The following ATP11A variants were observed in gnomAD, a reference collection of about 807,000 sequenced individuals.
ATP11A encodes phospholipid-transporting ATPase IH.
A neutral mutation model predicts 154.4 loss-of-function variants in ATP11A; 81 were observed. That is an observed-to-expected ratio of 0.52 (90% confidence interval 0.44 to 0.63). The LOEUF is 0.63. Among genes scored for constraint, ATP11A ranks in the 30% least tolerant of loss-of-function variants. ATP11A has a pLI of 0.00. For synonymous variants in ATP11A, 623 were observed against 585.9 expected (o/e 1.06, Z -0.91); for missense variants, 1,316 against 1,474.3 (o/e 0.89, Z 1.76).
At chr13:112,741,294 A>AACTCTCT (rs1352038788) in intron 1 of ATP11A, among the ~76,000 whole-genome samples, 1 of 138,638 alleles carries the variant, frequency 7.2e-6, no homozygotes, top group Non-Finnish European at 1.5e-5. Flanking sequence ...GTGGGGCAGG[A>AACTCTCT]GCTGTAGTCG....
chr13:112,726,215 A>G (rs1430352157), intron 1 of ATP11A, among the ~76,000 whole-genome samples: 1 of 149,112 alleles, frequency 6.7e-6, no homozygotes, highest in Non-Finnish European at 1.5e-5. Flanking sequence ...GGGGCACTGC[A>G]TGCGTGCAGG....
chr13:112,826,421 C>T (rs542412218), intron 11 of ATP11A, among the ~76,000 whole-genome samples: 4 of 152,278 alleles, frequency 2.6e-5, no homozygotes, highest in South Asian at 2.1e-4. Context: ...CTCCTGTCAT[C>T]GGCACATGCT....
Position 112,834,933 on chromosome 13 carries a change from C to G in ATP11A, c.1631+273C>G, listed in dbSNP as rs2140263247. Among the ~76,000 whole-genome samples, 2 of 152,332 alleles carry G rather than the reference C, an allele frequency of 1.3e-5. 1 individual carries two copies. The highest frequency in any genetic ancestry group is 3.9e-4 in the East Asian group (2 of 5,184). On this transcript the variant is annotated intron_variant, in intron 15 of 29. Transcript: ENST00000375645. The stretch of plus-strand genomic sequence containing the variant: ...AGTTCAGTGAACAAAAGTTCACTGT[C>G]AAATATGTTTTGGGTTAAGCCACCT...
Position 112,832,280 on chromosome 13 carries a change from G to A in ATP11A, c.1396-580G>A, listed in dbSNP as rs1414189552. ...CAGCCTCGGGGATCAGGTCCCAGCC[G>A]GCTGTGGCCCTGAGCACATCACTTC... On this transcript the variant is annotated intron_variant, in intron 13 of 29. Transcript: ENST00000375645. Among the ~76,000 whole-genome samples, 5 of 152,184 alleles carry A rather than the reference G, an allele frequency of 3.3e-5. No homozygotes were observed. The East Asian group carries it at 5.8e-4, about 18-fold the overall frequency.
At chr13:112,731,837 G>T (rs1890509935) in intron 1 of ATP11A, among the ~76,000 whole-genome samples, 1 of 151,622 alleles carries the variant, frequency 6.6e-6, no homozygotes, top group Admixed American at 6.6e-5. Flanking sequence ...AGGTGCAGAA[G>T]TGCACGTGAG....
At chr13:112,865,315 G>T (rs1406077790) in intron 25 of ATP11A, among the ~76,000 whole-genome samples, 2 of 150,808 alleles carry the variant, frequency 1.3e-5, no homozygotes, top group Non-Finnish European at 3.0e-5. Flanking sequence ...GTAATTCAGT[G>T]CAGCCCGTGC....
chr13:112,826,965 G>A (rs2078950244), intron 12 of ATP11A, 74 bp downstream of exon 12: 12 of 1,505,146 alleles, frequency 8.0e-6, no homozygotes, highest in Non-Finnish European at 1.0e-5. Context: ...CTCAGGTCCT[G>A]TGCCTGTCAT....
Position 112,690,381 on chromosome 13 carries a change from G to C in ATP11A, c.-36G>C. 7.9e-7 allele frequency: 1 copy of C among 1,268,082 alleles called. No individual in the cohort carries two copies. Among genetic ancestry groups the C allele is most frequent in the East Asian group, 3.0e-5 (1 of 33,198 alleles). 78.6% of individuals were successfully genotyped at this position (1,268,082 alleles called of 1,614,324 possible). On this transcript the variant is annotated 5_prime_UTR_variant, in exon 1 of 30. Transcript: ENST00000375645. The surrounding 1 kb of genome is among the most constrained non-coding windows in gnomAD (Gnocchi z 5.6). ...TGGGCGCGCCGAGCCGGGCGCGGGG[G>C]CGCTGAACGGCGGAGCGGGAGCGGC...
intron 7 of ATP11A, 147 bp downstream of exon 7, chr13:112,819,554 C>T (rs746181308): frequency 1.1e-4 from 72 of 681,744 alleles, no homozygotes; most frequent in Non-Finnish European, 1.4e-4. Flanking sequence ...GTCAAAAATA[C>T]ATTACTTATT....
intron 6 of ATP11A, among the ~76,000 whole-genome samples, chr13:112,818,975 G>C (rs1162994172): frequency 6.6e-6 from 1 of 152,230 alleles, no homozygotes; most frequent in Non-Finnish European, 1.5e-5. Flanking sequence ...TCTGTAAAAG[G>C]AAAGGGATAT....
intron 5 of ATP11A, among the ~76,000 whole-genome samples, chr13:112,814,628 C>G (rs149492404): frequency 6.6e-6 from 1 of 152,134 alleles, no homozygotes; most frequent in Non-Finnish European, 1.5e-5. Flanking sequence ...CCCTTTTCCA[C>G]GGAGTGGCGC....
At chr13:112,705,848 A>C (rs1436224357) in intron 1 of ATP11A, among the ~76,000 whole-genome samples, 1 of 152,240 alleles carries the variant, frequency 6.6e-6, no homozygotes, top group Non-Finnish European at 1.5e-5. Context: ...TATTGAACGA[A>C]TATACAATAC....
At chr13:112,879,458 A>C (rs1443848516) in intron 29 of ATP11A, among the ~76,000 whole-genome samples, 1 of 152,228 alleles carries the variant, frequency 6.6e-6, no homozygotes, top group East Asian at 1.9e-4. Context: ...GACTCATAAG[A>C]GGTCCTTAAG....
intron 1 of ATP11A, among the ~76,000 whole-genome samples, chr13:112,768,752 C>T (rs943076424): frequency 1.3e-5 from 2 of 152,266 alleles, no homozygotes; most frequent in South Asian, 2.1e-4. Flanking sequence ...CGCAGCGACC[C>T]CTCGGTGTTC....
At chr13:112,763,455 GA>G (rs999119445) in intron 1 of ATP11A, among the ~76,000 whole-genome samples, 1 of 152,212 alleles carries the variant, frequency 6.6e-6, no homozygotes, top group African/African-American at 2.4e-5. Flanking sequence ...GGCCCTGAGA[GA>G]AATTATCTTA....
At position 112,883,372 on chromosome 13, in the gene ATP11A, C is replaced by T. The variant is rs564646448; in HGVS notation, c.*1506C>T. 2.1e-4 allele frequency: 82 copies of T among 395,390 alleles called. No homozygotes were observed. The highest frequency in any genetic ancestry group is 1.4e-3 in the South Asian group (10 of 6,996). The allele number at this position is 395,390 out of a possible 1,614,324, so 24.5% of individuals were successfully genotyped here. A position where few individuals can be genotyped will look rare whatever the true frequency, so the allele number is the denominator to read the frequency against. ...TTCAGTGTGAGATTCAGACTTCAGA[C>T]GCTGAAACTGCTGCCTTTCAGGAAA... On this transcript the variant is annotated 3_prime_UTR_variant, in exon 30 of 30. Coordinates refer to ENST00000375645, the MANE Select transcript of ATP11A (RefSeq NM_015205.3).
intron 1 of ATP11A, among the ~76,000 whole-genome samples, chr13:112,755,544 G>A (rs970196896): frequency 5.3e-5 from 8 of 152,228 alleles, no homozygotes; most frequent in African/African-American, 1.9e-4. Flanking sequence ...TGCAGCCAAG[G>A]TTAGCCAGAA....
chr13:112,874,703 C>T (rs1471355022), intron 27 of ATP11A, among the ~76,000 whole-genome samples: 1 of 152,186 alleles, frequency 6.6e-6, no homozygotes, highest in Non-Finnish European at 1.5e-5. Flanking sequence ...CTGGTGGCCC[C>T]AAGTTGCATT....
At chr13:112,834,231 G>T (rs1296329540) in intron 14 of ATP11A, among the ~76,000 whole-genome samples, 1 of 152,212 alleles carries the variant, frequency 6.6e-6, no homozygotes, top group Non-Finnish European at 1.5e-5. Context: ...CGTGTTCTCC[G>T]CTCAACAACA....
Sources: gnomAD v4.1 joint callset for allele counts (sites outside exome capture counted in the v4.1 genomes callset) on GRCh38, gnomAD v4.1.1 for gene constraint, Gnocchi (gnomAD v3.1) non-coding constraint, MANE v1.5 for transcripts, NCBI Gene and HGNC (gene_info 2026-07-23, HGNC 2026-07-21) for gene names.